Variants in DLG2 observed in about 807,000 individuals in gnomAD.
DLG2 encodes the protein discs large MAGUK scaffold protein 2, also known as disks large homolog 2.
Under a neutral mutation model 132.5 loss-of-function variants are expected in DLG2, and 45 were observed. The ratio of observed to expected loss-of-function variants is 0.34; its 90% CI spans 0.27 to 0.44. The LOEUF (loss-of-function observed/expected upper bound fraction) is 0.44, where lower values mean the gene tolerates loss of function less well. Ranked by LOEUF, DLG2 falls within the 20% of genes least tolerant of loss-of-function variation. DLG2 has a pLI of 1.00. For missense variants in DLG2, 1,045 were observed against 1,196.9 expected (o/e 0.87, Z 1.87); for synonymous variants, 424 against 419.6 (o/e 1.01, Z -0.13).
intron 6 of DLG2, among the ~76,000 whole-genome samples, chr11:84,661,806 A>G (rs1370884809): frequency 6.6e-6 from 1 of 152,132 alleles, no homozygotes; most frequent in African/African-American, 2.4e-5. Context: ...GGACTTAGCA[A>G]AGTCCTTGAT....
At chr11:83,639,390 C>T (rs1042183356) in intron 18 of DLG2, among the ~76,000 whole-genome samples, 5 of 152,242 alleles carry the variant, frequency 3.3e-5, no homozygotes, top group African/African-American at 4.8e-5. Context: ...CATTGTTGGA[C>T]ATTTGGGTTG....
chr11:85,499,127 A>G (rs1385425666), intron 3 of DLG2, among the ~76,000 whole-genome samples: 1 of 152,194 alleles, frequency 6.6e-6, no homozygotes, highest in African/African-American at 2.4e-5. Context: ...GTAGAGAAAC[A>G]AAAAACCCCT....
chr11:84,878,152 G>C (rs977377624), intron 6 of DLG2, among the ~76,000 whole-genome samples: 4 of 152,226 alleles, frequency 2.6e-5, no homozygotes, highest in Admixed American at 1.3e-4. Context: ...AAGACAGTGT[G>C]GTGACTCCTC....
chr11:84,533,255 C>T (rs564258942), intron 7 of DLG2, among the ~76,000 whole-genome samples: 212 of 152,242 alleles, frequency 1.4e-3, no homozygotes, highest in African/African-American at 4.9e-3. Flanking sequence ...TTCTGCCTTC[C>T]GCATGACATC....
intron 7 of DLG2, among the ~76,000 whole-genome samples, chr11:84,290,615 C>A (rs2097978968): frequency 6.6e-6 from 1 of 152,076 alleles, no homozygotes; most frequent in African/African-American, 2.4e-5. Flanking sequence ...TGTACTAGGT[C>A]TTTTCATAAA....
At chr11:84,760,463 G>C (rs2067463254) in intron 6 of DLG2, among the ~76,000 whole-genome samples, 1 of 152,154 alleles carries the variant, frequency 6.6e-6, no homozygotes, top group African/African-American at 2.4e-5. Flanking sequence ...TTTCCTTAGG[G>C]GAGAGAAAGA....
intron 9 of DLG2, among the ~76,000 whole-genome samples, chr11:84,156,016 A>G (rs2095421058): frequency 6.6e-6 from 1 of 152,214 alleles, no homozygotes; most frequent in African/African-American, 2.4e-5. Flanking sequence ...TAAGACAAAT[A>G]ATTAATGGCT....
intron 15 of DLG2, among the ~76,000 whole-genome samples, chr11:83,893,417 G>C (rs2070584008): frequency 6.6e-6 from 1 of 152,108 alleles, no homozygotes; most frequent in Admixed American, 6.6e-5. Context: ...CCCTAACCTA[G>C]CCATGCTGGC....
At chr11:84,546,624 G>A (rs2099390437) in intron 6 of DLG2, 3 of 519,206 alleles carry the variant, frequency 5.8e-6, no homozygotes, top group South Asian at 1.6e-5. Context: ...ATGTAGCATG[G>A]CATTTAGGGC....
At chr11:84,883,543 A>G (rs2087717738) in intron 6 of DLG2, among the ~76,000 whole-genome samples, 1 of 152,124 alleles carries the variant, frequency 6.6e-6, no homozygotes, top group Non-Finnish European at 1.5e-5. Flanking sequence ...AATTAAAAAA[A>G]TATTGTTCAC....
chr11:85,363,470 T>C (rs1391267902), intron 3 of DLG2, among the ~76,000 whole-genome samples: 1 of 152,230 alleles, frequency 6.6e-6, no homozygotes, highest in East Asian at 1.9e-4. Flanking sequence ...AAGACATCTA[T>C]GGTTAACTAT....
chr11:85,222,129 T>C (rs1016989607), intron 4 of DLG2, among the ~76,000 whole-genome samples: 2 of 151,936 alleles, frequency 1.3e-5, no homozygotes, highest in Non-Finnish European at 2.9e-5. Flanking sequence ...TGTTTGTTTG[T>C]TTGTTTGTTT....
chr11:84,564,853 T>C (rs2099445467), intron 6 of DLG2, among the ~76,000 whole-genome samples: 1 of 152,234 alleles, frequency 6.6e-6, no homozygotes, highest in African/African-American at 2.4e-5. Context: ...TTGCACATTC[T>C]GTCCAATTTA....
chr11:84,285,422 A>G (rs756059649), intron 7 of DLG2, among the ~76,000 whole-genome samples: 1 of 152,098 alleles, frequency 6.6e-6, no homozygotes, highest in Non-Finnish European at 1.5e-5. Flanking sequence ...GCCCTCTTCC[A>G]TTATTTAGGA....
intron 6 of DLG2, among the ~76,000 whole-genome samples, chr11:85,031,288 A>G (rs1046790913): frequency 1.3e-5 from 2 of 151,962 alleles, no homozygotes; most frequent in African/African-American, 4.8e-5. Context: ...ATTCACCTAC[A>G]CTTTTGTTTA....
chr11:84,256,919 C>G (rs117785759), intron 7 of DLG2, among the ~76,000 whole-genome samples: 1 of 152,172 alleles, frequency 6.6e-6, no homozygotes, highest in African/African-American at 2.4e-5. Flanking sequence ...AGATAGCATG[C>G]TAGCAAACTT....
chr11:85,229,019 T>C (rs1456727425), intron 4 of DLG2, among the ~76,000 whole-genome samples: 1 of 151,760 alleles, frequency 6.6e-6, no homozygotes, highest in Non-Finnish European at 1.5e-5. Flanking sequence ...TTAGGAATTA[T>C]AATATGCCTC....
intron 6 of DLG2, among the ~76,000 whole-genome samples, chr11:84,604,311 G>A (rs894813356): frequency 2.0e-5 from 3 of 151,834 alleles, no homozygotes; most frequent in African/African-American, 4.8e-5. Context: ...TGAGAGAGAA[G>A]AATATATTAA....
At chr11:84,097,429 T>G (rs1236273497) in intron 10 of DLG2, among the ~76,000 whole-genome samples, 1 of 152,242 alleles carries the variant, frequency 6.6e-6, no homozygotes, top group African/African-American at 2.4e-5. Context: ...CCTTGACGTT[T>G]TCTCTCAGTA....
Sources: allele counts gnomAD v4.1 joint callset (sites outside exome capture counted in the v4.1 genomes callset), GRCh38; gene constraint gnomAD v4.1.1; transcripts MANE v1.5; gene names NCBI Gene and HGNC (gene_info 2026-07-23, HGNC 2026-07-21).